Variants in PIGL observed in about 807,000 individuals in gnomAD.
PIGL encodes N-acetylglucosaminyl-phosphatidylinositol de-N-acetylase.
A neutral mutation model predicts 31.1 loss-of-function variants in PIGL; 22 were observed. The observed-to-expected ratio is 0.71, with a 90% CI of 0.51 to 1.01. The LOEUF is 1.01. PIGL is among the 50% of genes least tolerant of loss of function. The pLI is 0.00. For missense variants in PIGL, 302 were observed against 315.9 expected, an observed-to-expected ratio of 0.96 and a Z score of 0.33; for synonymous variants, 131 against 117.4, an observed-to-expected ratio of 1.12 and a Z score of -0.75.
intron 1 of PIGL, among the ~76,000 whole-genome samples, chr17:16,231,210 T>A (rs1352972422): frequency 6.7e-6 from 1 of 150,200 alleles, no homozygotes; most frequent in East Asian, 1.9e-4. Context: ...ACACCCAGCT[T>A]CTTACTGATT....
intron 1 of PIGL, among the ~76,000 whole-genome samples, chr17:16,227,548 T>C (rs1208640610): frequency 6.6e-6 from 1 of 151,632 alleles, no homozygotes; most frequent in Non-Finnish European, 1.5e-5. Flanking sequence ...TGCAGAGATA[T>C]GAGCTCATTT....
At chr17:16,261,691 T>C (rs1193829858) in intron 2 of PIGL, among the ~76,000 whole-genome samples, 1 of 151,444 alleles carries the variant, frequency 6.6e-6, no homozygotes, top group African/African-American at 2.4e-5. Flanking sequence ...GCCTGGAATT[T>C]GAGACAGGGA....
At chr17:16,239,781 G>A (rs1035380320) in intron 2 of PIGL, among the ~76,000 whole-genome samples, 1 of 151,938 alleles carries the variant, frequency 6.6e-6, no homozygotes, top group African/African-American at 2.4e-5. Flanking sequence ...ATGATGGGAT[G>A]AATTCAACTC....
chr17:16,321,975 G>C (rs1210104468), intron 6 of PIGL, among the ~76,000 whole-genome samples: 1 of 151,932 alleles, frequency 6.6e-6, no homozygotes, highest in Non-Finnish European at 1.5e-5. Flanking sequence ...GTACAGACAG[G>C]GTTTCCCCAT....
chr17:16,300,359 T>A (rs1400160843), intron 3 of PIGL, among the ~76,000 whole-genome samples: 1 of 152,146 alleles, frequency 6.6e-6, no homozygotes, highest in Non-Finnish European at 1.5e-5. Flanking sequence ...TACCAAGCAT[T>A]TTCACAGAGT....
chr17:16,219,703 G>T (rs1441616886), intron 1 of PIGL, among the ~76,000 whole-genome samples: 1 of 152,008 alleles, frequency 6.6e-6, no homozygotes, highest in Non-Finnish European at 1.5e-5. Flanking sequence ...GAGTAGCTGG[G>T]ACTACAGTGT....
chr17:16,245,969 G>A lies in PIGL; in HGVS notation c.335+11899G>A, dbSNP rs144636212. Among the ~76,000 whole-genome samples the A allele has an allele frequency of 6.7e-4, 101 of 149,930 alleles. 2 individuals carry two copies. The East Asian group carries it at 0.016, about 24-fold the overall frequency. ...CAAGTAGCTGGGACTACAGGCACCC[G>A]CCACCTTGACCAGCTATTTTTATTT... On this transcript the variant is annotated intron_variant, in intron 2 of 6. Coordinates refer to ENST00000225609, the MANE Select transcript of PIGL (RefSeq NM_004278.4).
chr17:16,283,202 C>T (rs1324976390), intron 2 of PIGL, among the ~76,000 whole-genome samples: 2 of 152,002 alleles, frequency 1.3e-5, no homozygotes, highest in African/African-American at 2.4e-5. Context: ...GGGATTTCAC[C>T]ATGTTGGCCA....
At chr17:16,288,618 C>T (rs1475615893) in intron 2 of PIGL, among the ~76,000 whole-genome samples, 1 of 151,948 alleles carries the variant, frequency 6.6e-6, no homozygotes, top group Non-Finnish European at 1.5e-5. Flanking sequence ...TGGCTCACCG[C>T]AACCTCTGCC....
chr17:16,272,769 CT>C (rs1330113242), intron 2 of PIGL, among the ~76,000 whole-genome samples: 1 of 152,188 alleles, frequency 6.6e-6, no homozygotes, highest in Non-Finnish European at 1.5e-5. Flanking sequence ...CTCTTGGCTT[CT>C]GTAACAGTCC....
intron 2 of PIGL, among the ~76,000 whole-genome samples, chr17:16,282,695 A>G (rs138746373): frequency 1.1e-4 from 16 of 152,284 alleles, no homozygotes; most frequent in African/African-American, 3.6e-4. Context: ...GAATGATCTC[A>G]AGGAATCCAG....
chr17:16,261,712 A>G (rs2092820029), intron 2 of PIGL, among the ~76,000 whole-genome samples: 1 of 151,488 alleles, frequency 6.6e-6, no homozygotes, highest in South Asian at 2.1e-4. Context: ...TGATCCCTCC[A>G]CCTCAGTGCC....
At chr17:16,322,790 T>C (rs940425012) in intron 6 of PIGL, among the ~76,000 whole-genome samples, 14 of 152,220 alleles carry the variant, frequency 9.2e-5, no homozygotes, top group African/African-American at 3.4e-4. Flanking sequence ...TTCCCAGCTG[T>C]TTCAGCTCTC....
At chr17:16,247,981 G>T (rs890148565) in intron 2 of PIGL, among the ~76,000 whole-genome samples, 12 of 151,984 alleles carry the variant, frequency 7.9e-5, no homozygotes, top group Admixed American at 7.9e-4. Context: ...TCTGCCTCCT[G>T]GGTTCAAGCG....
At chr17:16,262,665 TTAAAAA>T in intron 2 of PIGL, among the ~76,000 whole-genome samples, 1 of 152,124 alleles carries the variant, frequency 6.6e-6, no homozygotes, top group South Asian at 2.1e-4. Context: ...AAAATAAAAA[TTAAAAA>T]TAAACATAGA....
intron 1 of PIGL, among the ~76,000 whole-genome samples, chr17:16,228,956 C>T (rs116049324): frequency 1.3e-3 from 205 of 152,210 alleles, no homozygotes; most frequent in African/African-American, 4.8e-3. Flanking sequence ...CAAAGTTCAT[C>T]CATATTGTGG....
chr17:16,297,575 T>G (rs1429050162), intron 2 of PIGL, among the ~76,000 whole-genome samples: 1 of 152,206 alleles, frequency 6.6e-6, no homozygotes, highest in Non-Finnish European at 1.5e-5. Context: ...TCCAAGACAT[T>G]TTCTCTGTTC....
chr17:16,218,067 A>G (rs1365995753), intron 1 of PIGL: 1 of 152,274 alleles, frequency 6.6e-6, no homozygotes, highest in Non-Finnish European at 1.5e-5. Context: ...GAAAAGATCA[A>G]ATGACAAAGC....
chr17:16,315,938 C>T (rs1435641849), intron 4 of PIGL, among the ~76,000 whole-genome samples: 7 of 151,844 alleles, frequency 4.6e-5, no homozygotes, highest in East Asian at 1.9e-4. Context: ...CCTCGTGATC[C>T]GCTTGCCTCG....
Sources: gnomAD v4.1 joint callset for allele counts (sites outside exome capture counted in the v4.1 genomes callset) on GRCh38, gnomAD v4.1.1 for gene constraint, MANE v1.5 for transcripts, NCBI Gene and HGNC (gene_info 2026-07-23, HGNC 2026-07-21) for gene names.